HIPK1: variants seen among roughly 807,000 people sequenced by gnomAD.
HIPK1 encodes the protein homeodomain-interacting protein kinase 1.
In HIPK1, 28 loss-of-function variants were observed where a neutral mutation model predicts 117.1. The observed-to-expected ratio is 0.24, with a 90% CI of 0.18 to 0.33. The LOEUF (loss-of-function observed/expected upper bound fraction) is 0.33, where lower values mean the gene tolerates loss of function less well. HIPK1 is among the 10% of genes least tolerant of loss of function. The pLI, the probability that HIPK1 is intolerant of heterozygous loss-of-function variation, is 1.00. For synonymous variants in HIPK1, 605 were observed against 562.5 expected (o/e 1.08, Z -1.07); for missense variants, 1,122 against 1,475.1 (o/e 0.76, Z 3.92).
Position 113,962,952 on chromosome 1 carries a change from T to C in HIPK1, c.2104-435T>C, listed in dbSNP as rs577312582. ...GATTGTAGAAAGCTTTAAAACTTTA[T>C]ACTTGCTATGGAACATTCGACTAAG... On this transcript the variant is annotated intron_variant, in intron 9 of 15. Transcript: ENST00000426820. Among the ~76,000 whole-genome samples, 16 of 152,346 alleles carry C rather than the reference T, an allele frequency of 1.1e-4. No homozygotes were observed. In the South Asian group the frequency reaches 3.3e-3, roughly 32 times the overall value.
rs1672551969 is a variant in HIPK1, at chr1:113,967,800, A to G, written c.2416A>G (p.Ile806Val). Residue 806 changes from isoleucine to valine, a missense_variant, in exon 12 of 16, where the codon ATC becomes GTC. By Grantham distance (29) the Ile-to-Val change is conservative. Around this residue, in one of 6 missense-constraint regions of HIPK1, gnomAD observed 731 missense variants for 860.4 expected, o/e 0.85. Coordinates refer to ENST00000426820, the MANE Select transcript of HIPK1 (RefSeq NM_198268.3). ...AHSHGNQYSTIMQQPSLLTNH... is the reference protein window; with the variant it reads ...AHSHGNQYSTVMQQPSLLTNH... ...CTCTCATGGCAACCAGTACAGCACT[A>G]TCATGCAGCAGCCATCCTTGCTGAC... 2.5e-6 allele frequency: 4 copies of G among 1,605,152 alleles called. No homozygotes were observed. Among genetic ancestry groups the G allele is most frequent in the Admixed American group, 1.7e-5 (1 of 57,208 alleles).
chr1:113,967,005 G>T (rs987733216), intron 11 of HIPK1, among the ~76,000 whole-genome samples: 63 of 151,992 alleles, frequency 4.1e-4, no homozygotes, highest in African/African-American at 1.5e-3. Context: ...TTCTGTGTCT[G>T]GCTTATTTCA....
intron 3 of HIPK1, among the ~76,000 whole-genome samples, chr1:113,953,216 A>G (rs1671481920): frequency 6.6e-6 from 1 of 152,192 alleles, no homozygotes; most frequent in African/African-American, 2.4e-5. Flanking sequence ...AAGATGAGGA[A>G]CTGGAATTTT....
At chr1:113,935,112 A>G (rs144230722) in intron 1 of HIPK1, among the ~76,000 whole-genome samples, 2 of 150,928 alleles carry the variant, frequency 1.3e-5, no homozygotes, top group Non-Finnish European at 2.9e-5. Flanking sequence ...TGGTGTACAG[A>G]TATTTTGTCG....
Position 113,941,946 on chromosome 1 carries a change from A to G in HIPK1, c.1076+487A>G, listed in dbSNP as rs1670670428. 6.6e-6 allele frequency among the ~76,000 whole-genome samples: 1 copy of G among 150,892 alleles called. No homozygotes were observed. The highest frequency in any genetic ancestry group is 2.4e-5 in the African/African-American group (1 of 40,942). ...GGCTAATTTTTTTTGTATTTTTAGT[A>G]GAGACGGGGTTTCACCGTGTTAGCC... On this transcript the variant is annotated intron_variant, in intron 2 of 15. Coordinates refer to ENST00000426820, the MANE Select transcript of HIPK1 (RefSeq NM_198268.3). This position sits in a 1 kb window ranked among gnomAD's most constrained non-coding sequence, Gnocchi z 4.9.
intron 2 of HIPK1, among the ~76,000 whole-genome samples, chr1:113,947,554 AAG>A (rs1361134680): frequency 6.6e-6 from 1 of 152,228 alleles, no homozygotes; most frequent in Non-Finnish European, 1.5e-5. Flanking sequence ...GATAGGAAGA[AAG>A]AAACGAAAAT....
Position 113,940,512 on chromosome 1 carries a change from T to C in HIPK1, c.129T>C (p.Tyr43=). The stretch of plus-strand genomic sequence containing the variant: ...GACAGAGTAGCAACGACAAATATTA[T>C]ACCCACAGCAAAACCCTCCCAGCCA... ...VSGQSSNDKY[Y]THSKTLPATQ... is the part of the protein sequence containing the mutation. Residue 43 remains tyrosine, a synonymous_variant, in exon 2 of 16, where the codon TAT becomes TAC. Transcript: ENST00000426820. The C allele has an allele frequency of 1.9e-6, 3 of 1,614,134 alleles. No individual in the cohort carries two copies. The highest frequency in any genetic ancestry group is 1.1e-5 in the South Asian group (1 of 91,078).
intron 1 of HIPK1, among the ~76,000 whole-genome samples, chr1:113,938,811 G>A (rs2101150970): frequency 6.6e-6 from 1 of 151,724 alleles, no homozygotes; most frequent in South Asian, 2.1e-4. Flanking sequence ...TTGGGAGGCT[G>A]AGGCAGGAGA....
chr1:113,967,908 C>T lies in HIPK1; in HGVS notation c.2524C>T (p.Pro842Ser). ...VVRQQQSSSL[P>S]SKKNKQSAPV... ...CAGACAACAACAATCCAGTTCCCTC[C>T]CTTCGAAGAAGAATAAGCAGTCAGC... The change falls in exon 12 of 16, where the codon CCT becomes TCT. Residue 842 changes from proline to serine, a missense_variant. By Grantham distance (74) the Pro-to-Ser change is moderately conservative (BLOSUM62 -1). Transcript: ENST00000426820. The T allele has an allele frequency of 6.2e-7, 1 of 1,609,816 alleles. No homozygotes were observed. The highest frequency in any genetic ancestry group is 2.2e-5 in the East Asian group (1 of 44,832).
At chr1:113,965,404 T>C (rs936332318) in intron 10 of HIPK1, among the ~76,000 whole-genome samples, 6 of 152,192 alleles carry the variant, frequency 3.9e-5, no homozygotes, top group Admixed American at 2.6e-4. Context: ...TATTTTCTTG[T>C]AGTGATTAGT....
chr1:113,944,107 G>T (rs553934162), intron 2 of HIPK1, among the ~76,000 whole-genome samples: 1 of 150,088 alleles, frequency 6.7e-6, no homozygotes, highest in East Asian at 2.0e-4. Flanking sequence ...TGGGATTACA[G>T]GTGTGAACTA....
Position 113,957,132 on chromosome 1 carries a change from C to T in HIPK1, c.1601C>T (p.Ser534Phe). 1.9e-6 allele frequency: 3 copies of T among 1,612,348 alleles called. No homozygotes were observed. The highest frequency in any genetic ancestry group is 1.1e-5 in the South Asian group (1 of 91,010). ...TTTAATCTCCTTTTCAGTGTTAAGT[C>T]TTGTTTTCAGAACATGGAGATCTGC... is the stretch of plus-strand genomic sequence containing the variant. ...LDFPHSNHVK[S>F]CFQNMEICKR... Residue 534 changes from serine (S) to phenylalanine (F), a missense_variant, in exon 7 of 16, where the codon TCT (serine) becomes TTT (phenylalanine). By Grantham distance (155) the Ser-to-Phe change is radical. Transcript: ENST00000426820.
chr1:113,968,479 C>T lies in HIPK1; in HGVS notation c.2602C>T (p.Leu868=), dbSNP rs1194150575. Residue 868 remains leucine, a synonymous_variant, in exon 13 of 16, where the codon CTG becomes TTG. Transcript: ENST00000426820. ...LDVLPSQVYS[L]VGSSPLRTTS... ...TGTTCTGCCTTCCCAAGTCTATTCT[C>T]TGGTTGGGAGCAGTCCCCTCCGCAC... The T allele has an allele frequency of 1.2e-6, 2 of 1,614,004 alleles. No individual in the cohort carries two copies. The highest frequency in any genetic ancestry group is 2.2e-5 in the East Asian group (1 of 44,882).
At chr1:113,932,418 C>T (rs574025435) in intron 1 of HIPK1, among the ~76,000 whole-genome samples, 7 of 149,998 alleles carry the variant, frequency 4.7e-5, no homozygotes, top group Non-Finnish European at 8.9e-5. Flanking sequence ...CGCCCTGTCG[C>T]CCAGGTCGGA....
At chr1:113,960,720 G>A (rs1672046592) in intron 8 of HIPK1, among the ~76,000 whole-genome samples, 1 of 152,008 alleles carries the variant, frequency 6.6e-6, no homozygotes, top group African/African-American at 2.4e-5. Flanking sequence ...TTTTAATCTT[G>A]ATATATGAAT....
intron 7 of HIPK1, among the ~76,000 whole-genome samples, chr1:113,957,620 G>GTTAC (rs1453221771): frequency 3.3e-5 from 5 of 152,168 alleles, no homozygotes; most frequent in Non-Finnish European, 1.5e-5. Flanking sequence ...TATATCTCTT[G>GTTAC]TTACTGTATT....
chr1:113,952,844 G>T lies in HIPK1; in HGVS notation c.1155G>T (p.Leu385=). The T allele has an allele frequency of 6.4e-7, 1 of 1,551,496 alleles. No individual in the cohort carries two copies. Among genetic ancestry groups the T allele is most frequent in the Non-Finnish European group, 8.7e-7 (1 of 1,146,214 alleles). The change falls in exon 3 of 16, where the codon CTG becomes CTT. Residue 385 remains leucine (L), a synonymous_variant. Transcript: ENST00000426820. ...MWSLGCVIAE[L]FLGWPLYPGA... ...CACTGGGCTGTGTGATAGCTGAGCT[G>T]TTCCTGGGATGGCCTCTTTATCCTG...
At position 113,973,080 on chromosome 1, in the gene HIPK1, C is replaced by T. The variant is rs148101188; in HGVS notation, c.3201C>T (p.Pro1067=). Residue 1067 remains proline (P), a synonymous_variant, in exon 16 of 16, where the codon CCC becomes CCT. Transcript: ENST00000426820. ...TSQERSSNPA[P]RRQQAFVAPL... ...AGGAGAGAAGCAGCAACCCAGCCCC[C>T]CGCAGGCAGCAGGCGTTTGTGGCCC... is the stretch of plus-strand genomic sequence containing the variant. 7.2e-6 allele frequency: 11 copies of T among 1,535,434 alleles called. No individual in the cohort carries two copies. Among genetic ancestry groups the T allele is most frequent in the South Asian group, 1.3e-5 (1 of 77,566 alleles).
At chr1:113,956,895 G>C (rs138226841) in intron 6 of HIPK1, 84 bp downstream of exon 6, 4 of 1,265,978 alleles carry the variant, frequency 3.2e-6, no homozygotes, top group Non-Finnish European at 4.5e-6. Flanking sequence ...AAATGAGCCC[G>C]CCACTTTGGT....
Sources: allele counts gnomAD v4.1 joint callset (sites outside exome capture counted in the v4.1 genomes callset), GRCh38; gene constraint gnomAD v4.1.1; regional missense constraint gnomAD v4.1.1; non-coding constraint Gnocchi (gnomAD v3.1); transcripts MANE v1.5; gene names NCBI Gene and HGNC (gene_info 2026-07-23, HGNC 2026-07-21).